ZNF385D: variants seen among roughly 807,000 people sequenced by gnomAD.
The protein encoded by ZNF385D is zinc finger protein 659.
ZNF385D carries 15 observed loss-of-function variants against 35.8 expected under a neutral mutation model. That is an observed-to-expected ratio of 0.42 (90% confidence interval 0.28 to 0.64). The LOEUF (loss-of-function observed/expected upper bound fraction) is 0.64. Ranked by LOEUF, ZNF385D falls within the 30% of genes least tolerant of loss-of-function variation. ZNF385D has a pLI of 0.23. For missense variants in ZNF385D, 474 were observed against 494.6 expected, an observed-to-expected ratio of 0.96 and a Z score of 0.39; for synonymous variants, 212 against 186.8, an observed-to-expected ratio of 1.13 and a Z score of -1.10.
intron 2 of ZNF385D, among the ~76,000 whole-genome samples, chr3:21,617,456 G>A (rs557764636): frequency 1.3e-5 from 2 of 152,220 alleles, no homozygotes; most frequent in African/African-American, 4.8e-5. Context: ...ATGCTTGTTA[G>A]TGATAGCTAA....
chr3:21,942,665 G>A (rs1389385658), intron 3 of ZNF385D: 1 of 152,152 alleles, frequency 6.6e-6, no homozygotes, highest in Non-Finnish European at 1.5e-5. Flanking sequence ...AGGAACCATG[G>A]TAAGTCAGAC....
chr3:21,783,087 T>C (rs1559617785), intron 3 of ZNF385D, among the ~76,000 whole-genome samples: 1 of 152,182 alleles, frequency 6.6e-6, no homozygotes, highest in African/African-American at 2.4e-5. Flanking sequence ...CTCCTGATTT[T>C]TGGATCAATA....
chr3:21,751,490 C>T, upstream of ZNF385D: 1 of 976,484 alleles, frequency 1.0e-6, no homozygotes, highest in South Asian at 4.7e-5. Context: ...TTAGACAACA[C>T]TTTTACCCCG....
chr3:21,442,878 T>TAA (rs1701934404), intron 4 of ZNF385D, among the ~76,000 whole-genome samples: 1 of 80,864 alleles, frequency 1.2e-5, no homozygotes, highest in Admixed American at 1.6e-4. Context: ...TGTGTATATC[T>TAA]GTGTATAAGT....
chr3:21,958,419 A>G (rs1447079536), intron 3 of ZNF385D, among the ~76,000 whole-genome samples: 1 of 152,132 alleles, frequency 6.6e-6, no homozygotes, highest in Non-Finnish European at 1.5e-5. Flanking sequence ...GGAAATAATA[A>G]TATTTCTCCA....
At chr3:22,028,407 T>G (rs943023541) in intron 3 of ZNF385D, among the ~76,000 whole-genome samples, 3 of 152,172 alleles carry the variant, frequency 2.0e-5, no homozygotes, top group Non-Finnish European at 4.4e-5. Flanking sequence ...GTACTTCCAC[T>G]CACCAAGGCT....
At chr3:21,912,575 A>G (rs1175110163) in intron 3 of ZNF385D, among the ~76,000 whole-genome samples, 1 of 152,048 alleles carries the variant, frequency 6.6e-6, no homozygotes, top group Non-Finnish European at 1.5e-5. Flanking sequence ...GTGGATTGCT[A>G]TAGTGCATGC....
chr3:22,255,521 A>G (rs976198843), intron 2 of ZNF385D, among the ~76,000 whole-genome samples: 1 of 151,838 alleles, frequency 6.6e-6, no homozygotes, highest in African/African-American at 2.4e-5. Context: ...CCCATTCAAA[A>G]TCATTAACTG....
intron 4 of ZNF385D, among the ~76,000 whole-genome samples, chr3:21,503,622 G>A (rs1394734299): frequency 6.6e-6 from 1 of 152,140 alleles, no homozygotes; most frequent in Non-Finnish European, 1.5e-5. Context: ...GAGGTAAACA[G>A]CTGGTTCAGG....
At chr3:22,324,929 T>C (rs956981627) in intron 2 of ZNF385D, among the ~76,000 whole-genome samples, 20 of 152,214 alleles carry the variant, frequency 1.3e-4, no homozygotes, top group Non-Finnish European at 5.9e-5. Context: ...TTCTAACACT[T>C]ACCATCTGTA....
At chr3:21,634,363 AGAAAG>A (rs745614956) in intron 2 of ZNF385D, among the ~76,000 whole-genome samples, 1 of 145,786 alleles carries the variant, frequency 6.9e-6, no homozygotes, top group Admixed American at 6.9e-5. Context: ...AAAGAAAAAA[AGAAAG>A]GAAGGAAGGA....
At chr3:21,758,306 C>G (rs1015760838) in intron 3 of ZNF385D, among the ~76,000 whole-genome samples, 1 of 152,158 alleles carries the variant, frequency 6.6e-6, no homozygotes, top group African/African-American at 2.4e-5. Context: ...AGAAATGCAT[C>G]CCATAGGCAT....
At chr3:22,338,817 C>T (rs1695291676) in intron 2 of ZNF385D, among the ~76,000 whole-genome samples, 1 of 151,156 alleles carries the variant, frequency 6.6e-6, no homozygotes, top group Non-Finnish European at 1.5e-5. Flanking sequence ...TCTCCTGCCT[C>T]AGCCTCCTGG....
chr3:22,338,420 A>G (rs1362932593), intron 2 of ZNF385D, among the ~76,000 whole-genome samples: 1 of 152,190 alleles, frequency 6.6e-6, no homozygotes, highest in Non-Finnish European at 1.5e-5. Flanking sequence ...TTAGTAATTG[A>G]AGACCTATGT....
intron 3 of ZNF385D, among the ~76,000 whole-genome samples, chr3:21,854,887 G>A (rs1264032131): frequency 1.3e-5 from 2 of 151,930 alleles, no homozygotes; most frequent in East Asian, 1.9e-4. Flanking sequence ...ATGATGACAG[G>A]TTTGAGTAGT....
At chr3:22,239,568 T>C (rs1043952031) in intron 2 of ZNF385D, among the ~76,000 whole-genome samples, 16 of 151,030 alleles carry the variant, frequency 1.1e-4, no homozygotes, top group African/African-American at 3.9e-4. Flanking sequence ...TTAAAATAGT[T>C]GCTGGCAGAC....
rs1341326235 is a variant in ZNF385D, at chr3:21,651,460, T to C, written c.165+13426A>G. ...TAGTATGTCTGTGATCACTAAATTA[T>C]ATTGTGTGGAAAGAATGGTTCTATT... On this transcript the variant is annotated intron_variant, in intron 2 of 7. Coordinates refer to ENST00000281523, the MANE Select transcript of ZNF385D (RefSeq NM_024697.3). Among the ~76,000 whole-genome samples, 3 of 152,102 alleles carry C rather than the reference T, an allele frequency of 2.0e-5. No homozygotes were observed. The East Asian group carries it at 5.8e-4, about 29-fold the overall frequency.
intron 3 of ZNF385D, among the ~76,000 whole-genome samples, chr3:22,037,119 T>C (rs1305774495): frequency 3.9e-5 from 6 of 152,016 alleles, no homozygotes; most frequent in African/African-American, 7.3e-5. Context: ...CGTTGTTGGG[T>C]ATTTGGGTTG....
chr3:22,074,089 T>C (rs1342459039), intron 3 of ZNF385D, among the ~76,000 whole-genome samples: 2 of 151,988 alleles, frequency 1.3e-5, no homozygotes, highest in Non-Finnish European at 2.9e-5. Flanking sequence ...GCATTAATAT[T>C]TTCCCAGGAT....
Sources: allele counts gnomAD v4.1 joint callset (sites outside exome capture counted in the v4.1 genomes callset), GRCh38; gene constraint gnomAD v4.1.1; transcripts MANE v1.5; gene names NCBI Gene and HGNC (gene_info 2026-07-23, HGNC 2026-07-21).